The following PRKG1 variants were observed in gnomAD, a reference collection of about 807,000 sequenced individuals.
PRKG1 encodes the protein protein kinase cGMP-dependent 1.
In PRKG1, 35 loss-of-function variants were observed where a neutral mutation model predicts 88.1. The ratio of observed to expected loss-of-function variants is 0.40; its 90% confidence interval spans 0.30 to 0.53. The LOEUF (loss-of-function observed/expected upper bound fraction) is 0.53, where lower values mean the gene tolerates loss of function less well. Ranked by LOEUF, PRKG1 falls within the 20% of genes least tolerant of loss-of-function variation. PRKG1 has a pLI of 0.59. For synonymous variants in PRKG1, 303 were observed against 292.5 expected, an observed-to-expected ratio of 1.04 and a Z score of -0.37; for missense variants, 540 against 839.8, an observed-to-expected ratio of 0.64 and a Z score of 4.41.
chr10:51,015,598 T>C (rs1292925102), intron 1 of PRKG1, among the ~76,000 whole-genome samples: 1 of 152,092 alleles, frequency 6.6e-6, no homozygotes, highest in Non-Finnish European at 1.5e-5. Flanking sequence ...TAGAAATGCA[T>C]AGAGGAGGCT....
chr10:51,400,298 A>G (rs1468767841), intron 2 of PRKG1, among the ~76,000 whole-genome samples: 1 of 152,230 alleles, frequency 6.6e-6, no homozygotes, highest in African/African-American at 2.4e-5. Flanking sequence ...GCAATGGAGA[A>G]AATAAAATAG....
At chr10:52,244,699 ATAAT>A (rs1419952767) in intron 9 of PRKG1, among the ~76,000 whole-genome samples, 2 of 129,086 alleles carry the variant, frequency 1.5e-5, no homozygotes, top group South Asian at 2.7e-4. Context: ...TAATATATTA[ATAAT>A]TAATAAATAA....
chr10:50,996,958 T>A (rs1348789451), intron 1 of PRKG1, among the ~76,000 whole-genome samples: 1 of 152,180 alleles, frequency 6.6e-6, no homozygotes, highest in Non-Finnish European at 1.5e-5. Flanking sequence ...AAGGAAAATT[T>A]TTAGGCAGCA....
In PRKG1 at chr10:52,220,046, A is replaced by T. The variant is rs572400942; in HGVS notation, c.1077-31524A>T. Among the ~76,000 whole-genome samples, 271 of 152,324 alleles carry T rather than the reference A, an allele frequency of 1.8e-3. 11 individuals are homozygous for T. In the South Asian group the frequency reaches 0.054, roughly 31 times the overall value. On this transcript the variant is annotated intron_variant, in intron 9 of 17. Transcript: ENST00000373980. Reference sequence around the variant, plus strand: ...ATCCTTTCCAATATCCCATATTTTTAAAAAGTGACATTACTTTCCCTTAAC... The same window carrying T: ...ATCCTTTCCAATATCCCATATTTTTTAAAAGTGACATTACTTTCCCTTAAC...
chr10:51,791,452 G>A (rs906637485), intron 3 of PRKG1, among the ~76,000 whole-genome samples: 5 of 151,886 alleles, frequency 3.3e-5, no homozygotes, highest in Non-Finnish European at 7.4e-5. Context: ...AATACTTTAG[G>A]TCTTTTACTG....
chr10:51,903,610 C>A (rs1306016716), intron 4 of PRKG1, among the ~76,000 whole-genome samples: 5 of 151,768 alleles, frequency 3.3e-5, no homozygotes, highest in African/African-American at 4.9e-5. Flanking sequence ...TAGAGGCAAT[C>A]TTTATTATTC....
chr10:50,991,355 T>C lies in PRKG1; in HGVS notation c.-24T>C. Reference sequence around the variant, plus strand: ...CCGCCGCCGCCGCCCGAGAAAAAGTTTCGCGGAGGGGCTCAGTGAAAAAAT... The same window carrying C: ...CCGCCGCCGCCGCCCGAGAAAAAGTCTCGCGGAGGGGCTCAGTGAAAAAAT... On this transcript the variant is annotated 5_prime_UTR_variant, in exon 1 of 18. Transcript: ENST00000401604. The surrounding 1 kb of genome is among the most constrained non-coding windows in gnomAD (Gnocchi z 4.5). The C allele has an allele frequency of 6.7e-7, 1 of 1,488,442 alleles. No homozygotes were observed. The highest frequency in any genetic ancestry group is 2.9e-5 in the East Asian group (1 of 34,748). The allele number at this position is 1,488,442 out of a possible 1,614,324, so 92.2% of individuals were successfully genotyped here. A position where few individuals can be genotyped will look rare whatever the true frequency, so the allele number is the denominator to read the frequency against.
At chr10:51,237,780 G>A (rs920584923) in intron 2 of PRKG1, among the ~76,000 whole-genome samples, 2 of 151,974 alleles carry the variant, frequency 1.3e-5, no homozygotes, top group Non-Finnish European at 1.5e-5. Context: ...ATATTCTCAT[G>A]TATTTCTGAA....
In PRKG1 at chr10:52,296,004, G is replaced by A. The variant is rs1842373740; in HGVS notation, c.*2104G>A. On this transcript the variant is annotated 3_prime_UTR_variant, in exon 18 of 18. Coordinates refer to ENST00000373980, the MANE Select transcript of PRKG1 (RefSeq NM_006258.4). The stretch of plus-strand genomic sequence containing the variant: ...ATTAAACATATCAACCTAAAATCTA[G>A]CTATGAATGTTATTTCAAGAGTTTT... The A allele has an allele frequency of 6.6e-6, 1 of 151,918 alleles. No homozygotes were observed. 9.4% of individuals were successfully genotyped at this position (151,918 alleles called of 1,614,324 possible).
At chr10:51,117,292 T>A (rs1426373715) in intron 1 of PRKG1, among the ~76,000 whole-genome samples, 1 of 152,170 alleles carries the variant, frequency 6.6e-6, no homozygotes. Context: ...ATGGTGAAAT[T>A]CTCCTTATTG....
chr10:51,117,605 T>C (rs1271381509), intron 1 of PRKG1, among the ~76,000 whole-genome samples: 2 of 152,226 alleles, frequency 1.3e-5, no homozygotes, highest in African/African-American at 4.8e-5. Flanking sequence ...GGTAATCTTA[T>C]GTAATTTCCA....
intron 1 of PRKG1, among the ~76,000 whole-genome samples, chr10:51,009,923 C>T (rs982376945): frequency 3.3e-5 from 5 of 152,206 alleles, no homozygotes; most frequent in African/African-American, 4.8e-5. Context: ...CTTTGATTCT[C>T]ATACGCCTGC....
At chr10:51,170,019 T>G (rs545817842) in intron 2 of PRKG1, among the ~76,000 whole-genome samples, 1 of 152,054 alleles carries the variant, frequency 6.6e-6, no homozygotes, top group African/African-American at 2.4e-5. Context: ...AGAGTTGATG[T>G]AGAAGTTGGC....
intron 4 of PRKG1, among the ~76,000 whole-genome samples, chr10:51,906,646 T>C (rs1351218164): frequency 6.6e-6 from 1 of 152,078 alleles, no homozygotes; most frequent in Non-Finnish European, 1.5e-5. Flanking sequence ...CCAAGGTTCT[T>C]ATTATGCAGA....
At chr10:51,065,474 C>G (rs1564586439) in intron 1 of PRKG1, among the ~76,000 whole-genome samples, 1 of 151,834 alleles carries the variant, frequency 6.6e-6, no homozygotes, top group East Asian at 1.9e-4. Flanking sequence ...ATATGTTGTT[C>G]AAATAGGGAT....
At chr10:51,955,562 G>A (rs11000270) in intron 5 of PRKG1, among the ~76,000 whole-genome samples, 1,892 of 152,132 alleles carry the variant, frequency 0.012, 32 homozygotes, top group African/African-American at 0.042. Context: ...TGAAGATTTC[G>A]TAGGCAAAAT....
chr10:51,168,730 T>C lies in PRKG1; in HGVS notation c.478+15400T>C. The stretch of plus-strand genomic sequence containing the variant: ...GTTTCTCCTCCACATCACACATATC[T>C]AGAACCGTGTTACAAAAGAAATGTC... On this transcript the variant is annotated intron_variant, in intron 2 of 17. Coordinates refer to ENST00000373980, the MANE Select transcript of PRKG1 (RefSeq NM_006258.4). Among the ~76,000 whole-genome samples, 2 of 152,186 alleles carry C rather than the reference T, an allele frequency of 1.3e-5. 1 individual carries two copies. Among genetic ancestry groups the C allele is most frequent in the East Asian group, 3.8e-4 (2 of 5,200 alleles).
At chr10:51,830,556 TTTTG>T (rs1839979147) in intron 4 of PRKG1, among the ~76,000 whole-genome samples, 1 of 93,690 alleles carries the variant, frequency 1.1e-5, no homozygotes, top group African/African-American at 9.8e-5. Flanking sequence ...GTGTTTTTTT[TTTTG>T]TTTTTTTTTT....
intron 3 of PRKG1, among the ~76,000 whole-genome samples, chr10:51,498,746 A>C (rs550049602): frequency 6.6e-6 from 1 of 152,190 alleles, no homozygotes; most frequent in South Asian, 2.1e-4. Flanking sequence ...GAGGAAGTGC[A>C]CTAAATCCGA....
Sources: allele counts gnomAD v4.1 joint callset (sites outside exome capture counted in the v4.1 genomes callset), GRCh38; gene constraint gnomAD v4.1.1; non-coding constraint Gnocchi (gnomAD v3.1); transcripts MANE v1.5; gene names NCBI Gene and HGNC (gene_info 2026-07-23, HGNC 2026-07-21).